The following NEGR1 variants were observed in gnomAD, a reference collection of about 807,000 sequenced individuals.
The protein encoded by NEGR1 is neuronal growth regulator 1, also known as IgLON family member 4.
NEGR1 carries 10 observed loss-of-function variants against 40.9 expected under a neutral mutation model. That is an observed-to-expected ratio of 0.24 (90% confidence interval 0.15 to 0.42). NEGR1 has a LOEUF of 0.42. Ranked by LOEUF, NEGR1 falls within the 10% of genes least tolerant of loss-of-function variation. The probability of loss-of-function intolerance (pLI) is 1.00; values close to 1 mark genes in which losing one functional copy is unlikely to be tolerated. For missense variants in NEGR1, 352 were observed against 438.9 expected, an observed-to-expected ratio of 0.80 and a Z score of 1.77; for synonymous variants, 185 against 166.8, an observed-to-expected ratio of 1.11 and a Z score of -0.84.
intron 4 of NEGR1, among the ~76,000 whole-genome samples, chr1:71,620,275 A>G (rs1650569916): frequency 6.6e-6 from 1 of 152,022 alleles, no homozygotes; most frequent in Non-Finnish European, 1.5e-5. Flanking sequence ...GGTCCTACAG[A>G]ATCCACATGG....
At chr1:71,495,856 A>C (rs1417758775) in intron 6 of NEGR1, among the ~76,000 whole-genome samples, 1 of 152,226 alleles carries the variant, frequency 6.6e-6, no homozygotes, top group Non-Finnish European at 1.5e-5. Context: ...ATAGTTCAAC[A>C]GTTCTATCAA....
intron 2 of NEGR1, among the ~76,000 whole-genome samples, chr1:71,873,532 C>T (rs1222865954): frequency 2.6e-5 from 4 of 152,048 alleles, no homozygotes; most frequent in Non-Finnish European, 2.9e-5. Flanking sequence ...GACATCTTCC[C>T]TAATTCATAG....
intron 6 of NEGR1, among the ~76,000 whole-genome samples, chr1:71,445,212 T>C (rs1055819176): frequency 3.3e-5 from 5 of 151,956 alleles, no homozygotes; most frequent in Admixed American, 3.3e-4. Flanking sequence ...AGACTTATCA[T>C]GAGGAAAATC....
intron 1 of NEGR1, among the ~76,000 whole-genome samples, chr1:72,014,332 C>T (rs1379609988): frequency 1.3e-5 from 2 of 149,858 alleles, no homozygotes; most frequent in African/African-American, 4.9e-5. Flanking sequence ...CCTGAAGTCA[C>T]ATAAGTGGTA....
intron 4 of NEGR1, among the ~76,000 whole-genome samples, chr1:71,691,842 T>A (rs532644631): frequency 6.6e-6 from 1 of 151,766 alleles, no homozygotes; most frequent in African/African-American, 2.4e-5. Context: ...AAGCAAATGA[T>A]GTTTCTTCTG....
rs139268848 is a variant in NEGR1, at chr1:71,809,977, A to G, written c.410-33680T>C. ...TCAGACAAATGGTAATTGTCTCTTA[A>G]AAGATTTTCAAAAGATTTTTATTAT... On this transcript the variant is annotated intron_variant, in intron 2 of 6. Coordinates refer to ENST00000357731, the MANE Select transcript of NEGR1 (RefSeq NM_173808.3). 2.8e-3 allele frequency among the ~76,000 whole-genome samples: 423 copies of G among 152,292 alleles called. 2 individuals carry two copies. The highest frequency in any genetic ancestry group is 9.9e-3 in the African/African-American group (410 of 41,558).
At chr1:72,268,172 T>C (rs72942922) in intron 1 of NEGR1, among the ~76,000 whole-genome samples, 69 of 151,420 alleles carry the variant, frequency 4.6e-4, no homozygotes, top group African/African-American at 1.5e-3. Context: ...TTTAACTAAA[T>C]TTTTCTGGCC....
At chr1:71,696,335 T>C (rs1220717015) in intron 4 of NEGR1, among the ~76,000 whole-genome samples, 1 of 151,760 alleles carries the variant, frequency 6.6e-6, no homozygotes, top group Non-Finnish European at 1.5e-5. Context: ...GTGGCTTGTA[T>C]ATGGAGTATA....
intron 1 of NEGR1, among the ~76,000 whole-genome samples, chr1:72,002,741 A>G (rs1318098649): frequency 6.6e-6 from 1 of 152,162 alleles, no homozygotes; most frequent in East Asian, 1.9e-4. Flanking sequence ...TTTACTCTTA[A>G]ATGTAAATCA....
intron 1 of NEGR1, among the ~76,000 whole-genome samples, chr1:72,185,934 A>G (rs750272390): frequency 6.6e-5 from 10 of 151,816 alleles, no homozygotes; most frequent in African/African-American, 9.7e-5. Flanking sequence ...CAAATGCTCT[A>G]TTTTGGCATT....
chr1:71,406,011 A>C lies in NEGR1; in HGVS notation c.*1435T>G, dbSNP rs973554099. On this transcript the variant is annotated 3_prime_UTR_variant, in exon 7 of 7. Coordinates refer to ENST00000357731, the MANE Select transcript of NEGR1 (RefSeq NM_173808.3). ...GCTTCTTTATAGTAGAAATAATTTA[A>C]CATTCACAATAATTTGATAATTACT... 1.3e-5 allele frequency: 2 copies of C among 152,320 alleles called. No individual in the cohort carries two copies. Among genetic ancestry groups the C allele is most frequent in the African/African-American group, 4.8e-5 (2 of 41,416 alleles). The allele number at this position is 152,320 out of a possible 1,614,324, so 9.4% of individuals were successfully genotyped here.
At chr1:72,211,437 A>G (rs1316341863) in intron 1 of NEGR1, among the ~76,000 whole-genome samples, 1 of 151,584 alleles carries the variant, frequency 6.6e-6, no homozygotes, top group East Asian at 1.9e-4. Flanking sequence ...GTAGAATACA[A>G]AAACAGAGTT....
At chr1:71,872,887 TG>T (rs1408879633) in intron 2 of NEGR1, among the ~76,000 whole-genome samples, 18 of 152,262 alleles carry the variant, frequency 1.2e-4, no homozygotes, top group African/African-American at 4.3e-4. Flanking sequence ...TGGACATTGT[TG>T]TTCTCTCTCT....
chr1:72,089,981 A>G (rs1205179376), intron 1 of NEGR1, among the ~76,000 whole-genome samples: 1 of 152,150 alleles, frequency 6.6e-6, no homozygotes, highest in African/African-American at 2.4e-5. Flanking sequence ...ATGGAAATAA[A>G]GATTGGAAGT....
intron 2 of NEGR1, among the ~76,000 whole-genome samples, chr1:71,883,241 C>A (rs911771163): frequency 4.6e-5 from 7 of 151,912 alleles, no homozygotes; most frequent in African/African-American, 1.7e-4. Flanking sequence ...ATAAAACTGC[C>A]ACCTTAATTC....
chr1:71,413,166 G>A (rs1646334284), intron 6 of NEGR1, among the ~76,000 whole-genome samples: 1 of 152,144 alleles, frequency 6.6e-6, no homozygotes, highest in South Asian at 2.1e-4. Context: ...TATCTCAAAA[G>A]TTATTACAAA....
intron 1 of NEGR1, among the ~76,000 whole-genome samples, chr1:71,935,688 A>G (rs766843319): frequency 6.6e-6 from 1 of 152,202 alleles, no homozygotes; most frequent in Non-Finnish European, 1.5e-5. Context: ...AATTATGAGA[A>G]GCAGTAAAGG....
intron 1 of NEGR1, among the ~76,000 whole-genome samples, chr1:72,242,970 G>T (rs1160447488): frequency 1.3e-5 from 2 of 151,458 alleles, no homozygotes; most frequent in Non-Finnish European, 3.0e-5. Context: ...AATATTAATT[G>T]TACTCATATT....
At chr1:71,614,791 C>T (rs1019533528) in intron 4 of NEGR1, among the ~76,000 whole-genome samples, 3 of 152,058 alleles carry the variant, frequency 2.0e-5, no homozygotes, top group African/African-American at 4.8e-5. Flanking sequence ...CGTAATGAAC[C>T]GAAATCAAAA....
Sources: gnomAD v4.1 joint callset for allele counts (sites outside exome capture counted in the v4.1 genomes callset) on GRCh38, gnomAD v4.1.1 for gene constraint, MANE v1.5 for transcripts, NCBI Gene and HGNC (gene_info 2026-07-23, HGNC 2026-07-21) for gene names.